OSBPL10: variants seen among roughly 807,000 people sequenced by gnomAD.
OSBPL10 encodes the protein oxysterol-binding protein-related protein 10.
OSBPL10 carries 49 observed loss-of-function variants against 81.7 expected under a neutral mutation model. That is an observed-to-expected ratio of 0.60 (90% confidence interval 0.48 to 0.76). The LOEUF is 0.76. Ranked by LOEUF, OSBPL10 falls within the 30% of genes least tolerant of loss-of-function variation. OSBPL10 has a pLI of 0.00. For missense variants in OSBPL10, 923 were observed against 987.8 expected, an observed-to-expected ratio of 0.93 and a Z score of 0.88; for synonymous variants, 419 against 383.6, an observed-to-expected ratio of 1.09 and a Z score of -1.08.
At chr3:31,710,513 G>C (rs969867481) in intron 6 of OSBPL10, 1 of 152,230 alleles carries the variant, frequency 6.6e-6, no homozygotes, top group Non-Finnish European at 1.5e-5. Flanking sequence ...CTGTCCACGA[G>C]GTAAGCATCA....
intron 5 of OSBPL10, among the ~76,000 whole-genome samples, chr3:31,741,292 G>C (rs146242707): frequency 1.8e-4 from 28 of 152,362 alleles, no homozygotes; most frequent in African/African-American, 6.0e-4. Context: ...TTGAGACGGA[G>C]TCTCGCTCTG....
At chr3:32,036,110 CA>C (rs1310254386) in intron 2 of OSBPL10, among the ~76,000 whole-genome samples, 3 of 152,206 alleles carry the variant, frequency 2.0e-5, no homozygotes, top group Non-Finnish European at 4.4e-5. Context: ...TGCAGTGGCA[CA>C]TTCCTAGATC....
chr3:31,820,689 G>C lies in OSBPL10; in HGVS notation c.729+9351C>G, dbSNP rs142620624. On this transcript the variant is annotated intron_variant, in intron 4 of 11. Coordinates refer to ENST00000396556, the MANE Select transcript of OSBPL10 (RefSeq NM_017784.5). ...AGGCACTAGGAAAAGAAGTACCTAA[G>C]TGTGCCCAGGACACAGTGAGAAGCC... Among the ~76,000 whole-genome samples the C allele has an allele frequency of 2.9e-3, 447 of 152,258 alleles. 1 individual carries two copies. Among genetic ancestry groups the C allele is most frequent in the African/African-American group, 9.8e-3 (407 of 41,554 alleles).
At chr3:31,827,353 C>G (rs1270120319) in intron 4 of OSBPL10, among the ~76,000 whole-genome samples, 1 of 152,028 alleles carries the variant, frequency 6.6e-6, no homozygotes. Context: ...TTAGATCGCT[C>G]TGGCCAGCCG....
intron 6 of OSBPL10, chr3:31,718,179 G>C (rs1259753352): frequency 6.6e-6 from 1 of 151,882 alleles, no homozygotes; most frequent in African/African-American, 2.4e-5. Context: ...CCAGGCTGGA[G>C]TGCAGTGGCG....
intron 10 of OSBPL10, chr3:31,664,547 A>G (rs1010285709): frequency 4.2e-6 from 2 of 471,582 alleles, no homozygotes; most frequent in Non-Finnish European, 7.6e-6. Context: ...GCAGGCACAT[A>G]TGGCATTTGC....
chr3:31,835,607 C>T (rs949379058), intron 3 of OSBPL10, among the ~76,000 whole-genome samples: 1 of 152,062 alleles, frequency 6.6e-6, no homozygotes, highest in Non-Finnish European at 1.5e-5. Flanking sequence ...TCCTTGAATT[C>T]CTTCACAGCA....
intron 1 of OSBPL10, among the ~76,000 whole-genome samples, chr3:31,893,029 G>A (rs951274081): frequency 6.6e-6 from 1 of 152,114 alleles, no homozygotes; most frequent in African/African-American, 2.4e-5. Context: ...GCACAGGGAA[G>A]AGCGATAAAA....
upstream of OSBPL10, among the ~76,000 whole-genome samples, chr3:31,982,601 A>C (rs148355041): frequency 1.3e-5 from 2 of 152,118 alleles, no homozygotes; most frequent in Non-Finnish European, 2.9e-5. Context: ...GTTGAAGAGA[A>C]GTGGTTGTGC....
At chr3:32,017,522 T>C (rs1699325271) in intron 2 of OSBPL10, among the ~76,000 whole-genome samples, 1 of 151,932 alleles carries the variant, frequency 6.6e-6, no homozygotes, top group South Asian at 2.1e-4. Context: ...AAAAAAAAAA[T>C]TCATTTTCTC....
rs543275271 is a variant in OSBPL10, at chr3:31,995,978, C to T, written n.298+50513G>A. Among the ~76,000 whole-genome samples, 3 of 152,224 alleles carry T rather than the reference C, an allele frequency of 2.0e-5. 1 individual carries two copies. Among genetic ancestry groups the T allele is most frequent in the South Asian group, 4.2e-4 (2 of 4,810 alleles). ...GGAGGGCTGGAAATGGAGGATGAATCCAATCTCAGCATTTTTCTGAGAAGG... is the reference window on the plus strand; with the variant it reads ...GGAGGGCTGGAAATGGAGGATGAATTCAATCTCAGCATTTTTCTGAGAAGG... On this transcript the variant is annotated intron_variant and non_coding_transcript_variant, in intron 2 of 3. Coordinates refer to the OSBPL10 transcript ENST00000479173.
At chr3:31,918,035 A>G (rs1349987942) in intron 1 of OSBPL10, among the ~76,000 whole-genome samples, 1 of 152,114 alleles carries the variant, frequency 6.6e-6, no homozygotes, top group East Asian at 1.9e-4. Context: ...ATAAATAAAA[A>G]TTTATCTACA....
chr3:31,804,908 T>C (rs1699485485), intron 4 of OSBPL10, among the ~76,000 whole-genome samples: 1 of 152,240 alleles, frequency 6.6e-6, no homozygotes, highest in Non-Finnish European at 1.5e-5. Context: ...TTTGTGTGTC[T>C]GTTTGGTGGG....
chr3:31,953,385 C>G (rs979080835), intron 1 of OSBPL10, among the ~76,000 whole-genome samples: 3 of 151,850 alleles, frequency 2.0e-5, no homozygotes, highest in Non-Finnish European at 4.4e-5. Context: ...AGAGTGGGCA[C>G]TGCTTCCCCC....
intron 2 of OSBPL10, among the ~76,000 whole-genome samples, chr3:31,993,131 C>G (rs1432971581): frequency 6.6e-6 from 1 of 151,982 alleles, no homozygotes; most frequent in Non-Finnish European, 1.5e-5. Context: ...CCCGCATATT[C>G]AAAGAACCCT....
chr3:32,022,689 G>C (rs1002471307), intron 2 of OSBPL10, among the ~76,000 whole-genome samples: 1 of 151,846 alleles, frequency 6.6e-6, no homozygotes, highest in Non-Finnish European at 1.5e-5. Context: ...GAGGTGGGAG[G>C]ATCACTTGAG....
rs571741405 is a variant in OSBPL10 at position 31,916,601 on chromosome 3, C to T, written c.282-36771G>A. On this transcript the variant is annotated intron_variant, in intron 1 of 11. Coordinates refer to ENST00000396556, the MANE Select transcript of OSBPL10 (RefSeq NM_017784.5). ...TGATCATTTTCCACAGTCCATGGCTCACCAATGAGTAAGCTAATCAATACA... is the reference window on the plus strand; with the variant it reads ...TGATCATTTTCCACAGTCCATGGCTTACCAATGAGTAAGCTAATCAATACA... 2.0e-5 allele frequency among the ~76,000 whole-genome samples: 3 copies of T among 152,308 alleles called. No individual in the cohort carries two copies. In the South Asian group the frequency reaches 6.2e-4, roughly 32 times the overall value.
chr3:31,770,136 C>A (rs1698333965), intron 4 of OSBPL10, among the ~76,000 whole-genome samples: 1 of 152,120 alleles, frequency 6.6e-6, no homozygotes, highest in African/African-American at 2.4e-5. Context: ...AGGCAAGGGA[C>A]TACTGATACA....
In OSBPL10 at chr3:31,981,139, C is replaced by G; in HGVS notation, c.41G>C (p.Ser14Thr). Residue 14 changes from serine (S) to threonine (T), a missense_variant, in exon 1 of 12, where the codon AGC becomes ACC. By Grantham distance (58) the Ser-to-Thr change is moderately conservative. Around this residue, in one of 3 missense-constraint regions of OSBPL10, gnomAD observed 514 missense variants for 508.0 expected, o/e 1.01. Transcript: ENST00000396556. The surrounding 1 kb of genome is among the most constrained non-coding windows in gnomAD (Gnocchi z 4.5). ...AVQGTDGGGG[S>T]NSSSRSSSRA... is the part of the protein sequence containing the mutation. Reference sequence around the variant, plus strand: ...GCTGCTGCTGCGGCTGCTGCTGTTGCTACCCCCGCCGCCGTCTGTGCCCTG... The same window carrying G: ...GCTGCTGCTGCGGCTGCTGCTGTTGGTACCCCCGCCGCCGTCTGTGCCCTG... 6.7e-7 allele frequency: 1 copy of G among 1,491,178 alleles called. No homozygotes were observed. Among genetic ancestry groups the G allele is most frequent in the Non-Finnish European group, 8.9e-7 (1 of 1,125,564 alleles). The allele number at this position is 1,491,178 out of a possible 1,614,324, so 92.4% of individuals were successfully genotyped here. A position where few individuals can be genotyped will look rare whatever the true frequency, so the allele number is the denominator to read the frequency against.
Sources: gnomAD v4.1 joint callset for allele counts (sites outside exome capture counted in the v4.1 genomes callset) on GRCh38, gnomAD v4.1.1 for gene constraint, gnomAD v4.1.1 regional missense constraint, Gnocchi (gnomAD v3.1) non-coding constraint, MANE v1.5 for transcripts, NCBI Gene and HGNC (gene_info 2026-07-23, HGNC 2026-07-21) for gene names.